ART3: variants seen among roughly 807,000 people sequenced by gnomAD.
The protein encoded by ART3 is ADP-ribosyltransferase 3 (inactive).
Under a neutral mutation model 48.5 loss-of-function variants are expected in ART3, and 49 were observed. The observed-to-expected ratio is 1.01, with a 90% CI of 0.80 to 1.28. The LOEUF (loss-of-function observed/expected upper bound fraction) is 1.28, where lower values mean the gene tolerates loss of function less well. Among genes scored for constraint, ART3 ranks in the 50% most tolerant of loss-of-function variants. The probability of loss-of-function intolerance (pLI) is 0.00; values close to 1 mark genes in which losing one functional copy is unlikely to be tolerated. For missense variants in ART3, 438 were observed against 454.3 expected, an observed-to-expected ratio of 0.96 and a Z score of 0.33; for synonymous variants, 145 against 157.2, an observed-to-expected ratio of 0.92 and a Z score of 0.58.
chr4:76,062,038 G>T (rs1719264576), intron 1 of ART3, among the ~76,000 whole-genome samples: 1 of 152,196 alleles, frequency 6.6e-6, no homozygotes, highest in Non-Finnish European at 1.5e-5. Context: ...GAGAGCATTT[G>T]AGTTTGGTAT....
At chr4:76,106,569 G>A (rs1370905819) in intron 10 of ART3, among the ~76,000 whole-genome samples, 1 of 152,124 alleles carries the variant, frequency 6.6e-6, no homozygotes, top group Non-Finnish European at 1.5e-5. Flanking sequence ...AGCGTTGTGT[G>A]TCTGTTCCCA....
chr4:76,012,448 C>T (rs1731892617), intron 1 of ART3, among the ~76,000 whole-genome samples: 1 of 152,138 alleles, frequency 6.6e-6, no homozygotes, highest in African/African-American at 2.4e-5. Context: ...CTCTCCTCTC[C>T]CCACGCAGGG....
At chr4:76,067,800 A>G (rs1223636451) in intron 1 of ART3, among the ~76,000 whole-genome samples, 1 of 152,212 alleles carries the variant, frequency 6.6e-6, no homozygotes, top group African/African-American at 2.4e-5. Context: ...TTTTCTTCCT[A>G]AGAGCAGTGG....
rs150008639 is a variant in ART3, at chr4:76,106,737, C to A, written c.1004-1024C>A. Among the ~76,000 whole-genome samples, 844 of 152,198 alleles carry A rather than the reference C, an allele frequency of 5.5e-3. 5 individuals are homozygous for A. The highest frequency in any genetic ancestry group is 0.019 in the African/African-American group (809 of 41,522). ...TTTGGGAGTTACTCAAGAGACTTCC[C>A]CCCCACCTCCCTTTGTGCCCGAGCT... is the stretch of plus-strand genomic sequence containing the variant. On this transcript the variant is annotated intron_variant, in intron 10 of 11. Transcript: ENST00000355810.
At chr4:76,105,866 A>T in intron 10 of ART3, 1 of 985,436 alleles carries the variant, frequency 1.0e-6, no homozygotes, top group Non-Finnish European at 1.2e-6. Flanking sequence ...CTGTAGACAT[A>T]GAAATAGCAT....
chr4:76,098,624 T>C (rs906474573), intron 4 of ART3, among the ~76,000 whole-genome samples: 4 of 152,042 alleles, frequency 2.6e-5, no homozygotes, highest in Non-Finnish European at 5.9e-5. Context: ...CCAGGTGTGG[T>C]GGCAGGCGCC....
intron 1 of ART3, chr4:76,035,923 A>C: frequency 1.2e-6 from 2 of 1,612,486 alleles, no homozygotes; most frequent in Non-Finnish European, 1.7e-6. Context: ...AAATTACTGC[A>C]TACCTTGAAC....
intron 11 of ART3, among the ~76,000 whole-genome samples, chr4:76,109,133 AC>A (rs1475490541): frequency 6.6e-6 from 1 of 152,014 alleles, no homozygotes; most frequent in African/African-American, 2.4e-5. Context: ...TACTTTATAA[AC>A]TTAATTTTAA....
chr4:76,021,845 A>G lies in ART3; in HGVS notation c.-10+10525A>G, dbSNP rs1732847460. On this transcript the variant is annotated intron_variant, in intron 1 of 9. Transcript: ENST00000341029. ...TAAGAACAATTATGGCTTGACATAT[A>G]CTCCATGTAGGGAAGTGATGGGAGA... 4 of 1,276,602 alleles carry G rather than the reference A, an allele frequency of 3.1e-6. No individual in the cohort carries two copies. The Admixed American group carries it at 6.8e-5, about 22-fold the overall frequency. The allele number at this position is 1,276,602 out of a possible 1,614,324, so 79.1% of individuals were successfully genotyped here.
chr4:76,102,935 C>G (rs1228026488), intron 8 of ART3, among the ~76,000 whole-genome samples: 2 of 151,980 alleles, frequency 1.3e-5, no homozygotes, highest in Non-Finnish European at 2.9e-5. Context: ...AGGAGAGATT[C>G]TGGGTCACTA....
chr4:76,067,158 T>G lies in ART3; in HGVS notation c.-9-8723T>G, dbSNP rs887039193. On this transcript the variant is annotated intron_variant, in intron 1 of 9. Transcript: ENST00000341029. ...AGGTCTCTTAGAAAAAGCATTATAT[T>G]TAACAAGTTGAACATAACAAAGTAG... 5.6e-4 allele frequency among the ~76,000 whole-genome samples: 85 copies of G among 152,374 alleles called. 1 individual carries two copies. Among genetic ancestry groups the G allele is most frequent in the African/African-American group, 1.8e-3 (75 of 41,586 alleles).
intron 3 of ART3, among the ~76,000 whole-genome samples, chr4:76,089,250 TA>T (rs1289495823): frequency 6.6e-6 from 1 of 152,172 alleles, no homozygotes; most frequent in Non-Finnish European, 1.5e-5. Flanking sequence ...CAACAATTGC[TA>T]AAAAGACCTA....
rs1735944421 is a variant in ART3 at position 76,050,395 on chromosome 4, C to G, written c.-9-25486C>G. On this transcript the variant is annotated intron_variant, in intron 1 of 9. Coordinates refer to the ART3 transcript ENST00000341029. ...TACAGAGTGTCGACACAAAGGTTCT[C>G]CAGGGCCCCACCAGAATAGCTAGAT... 2.0e-5 allele frequency among the ~76,000 whole-genome samples: 3 copies of G among 152,104 alleles called. No individual in the cohort carries two copies. The South Asian group carries it at 6.2e-4, about 32-fold the overall frequency.
At chr4:76,071,123 G>A (rs1026483473), upstream of ART3, among the ~76,000 whole-genome samples, 5 of 152,056 alleles carry the variant, frequency 3.3e-5, no homozygotes, top group Non-Finnish European at 5.9e-5. Context: ...GCCAAGGCAG[G>A]CGGATCATTT....
intron 5 of ART3, chr4:76,099,206 G>A (rs1010972448): frequency 1.2e-5 from 6 of 488,586 alleles, no homozygotes; most frequent in Non-Finnish European, 2.3e-5. Flanking sequence ...GGAGGCTGAG[G>A]CAGGAGGATC....
At chr4:76,017,073 G>A (rs1732333504) in intron 1 of ART3, among the ~76,000 whole-genome samples, 1 of 152,168 alleles carries the variant, frequency 6.6e-6, no homozygotes, top group South Asian at 2.1e-4. Flanking sequence ...CCTCACTGTG[G>A]CCGAGCTGGT....
chr4:76,023,428 T>G, intron 1 of ART3: 1 of 1,613,916 alleles, frequency 6.2e-7, no homozygotes, highest in Non-Finnish European at 8.5e-7. Flanking sequence ...GCAGTTTGAT[T>G]CATGGTGCTG....
intron 11 of ART3, 127 bp downstream of exon 11, chr4:76,107,920 TATA>T: frequency 3.0e-6 from 2 of 665,654 alleles, no homozygotes; most frequent in East Asian, 6.1e-5. Context: ...AATAACAGAG[TATA>T]ATGTCATATC....
At chr4:76,086,765 A>G (rs1321474818) in intron 3 of ART3, among the ~76,000 whole-genome samples, 2 of 152,212 alleles carry the variant, frequency 1.3e-5, no homozygotes, top group African/African-American at 4.8e-5. Flanking sequence ...CTCACCAACC[A>G]TACATTGGAC....
Sources: allele counts gnomAD v4.1 joint callset (sites outside exome capture counted in the v4.1 genomes callset), GRCh38; gene constraint gnomAD v4.1.1; transcripts MANE v1.5; gene names NCBI Gene and HGNC (gene_info 2026-07-23, HGNC 2026-07-21).